ADAMTS5: variants seen among roughly 807,000 people sequenced by gnomAD.
ADAMTS5 encodes A disintegrin and metalloproteinase with thrombospondin motifs 5.
ADAMTS5 carries 54 observed loss-of-function variants against 81.4 expected under a neutral mutation model. The observed-to-expected ratio is 0.66, with a 90% CI of 0.53 to 0.83. The LOEUF (loss-of-function observed/expected upper bound fraction) is 0.83. ADAMTS5 is among the 40% of genes least tolerant of loss of function. The probability of loss-of-function intolerance (pLI) is 0.00; values close to 1 mark genes in which losing one functional copy is unlikely to be tolerated. For synonymous variants in ADAMTS5, 532 were observed against 508.8 expected (o/e 1.05, Z -0.61); for missense variants, 1,194 against 1,229.9 (o/e 0.97, Z 0.44).
Position 26,919,768 on chromosome 21 carries a change from A to T in ADAMTS5, c.*4285T>A, listed in dbSNP as rs1986655328. On this transcript the variant is annotated 3_prime_UTR_variant, in exon 8 of 8. Transcript: ENST00000284987. ...TTATGCTAACAAAGGATTCTTAGGAAGATTTTTCAATGTACTAGCCAGTTA... is the reference window on the plus strand; with the variant it reads ...TTATGCTAACAAAGGATTCTTAGGATGATTTTTCAATGTACTAGCCAGTTA... The T allele has an allele frequency of 6.6e-6, 1 of 152,128 alleles. No individual in the cohort carries two copies. Among genetic ancestry groups the T allele is most frequent in the Non-Finnish European group, 1.5e-5 (1 of 68,002 alleles). The allele number at this position is 152,128 out of a possible 1,614,324, so 9.4% of individuals were successfully genotyped here.
rs1178268232 is a variant in ADAMTS5, at chr21:26,924,540, G to A, written c.2306C>T (p.Thr769Ile). The A allele has an allele frequency of 3.0e-5, 49 of 1,614,012 alleles. No individual in the cohort carries two copies. The highest frequency in any genetic ancestry group is 4.2e-5 in the Non-Finnish European group (49 of 1,180,030). Reference sequence around the variant, plus strand: ...CAGGGCTAAATAGGCAGTGAATCTAGTCTGGTCTTTGGCTTTGAACTGTCG... The same window carrying A: ...CAGGGCTAAATAGGCAGTGAATCTAATCTGGTCTTTGGCTTTGAACTGTCG... ...KVRQFKAKDQTRFTAYLALKK... is the reference protein window; with the variant it reads ...KVRQFKAKDQIRFTAYLALKK... The change falls in exon 8 of 8, where the codon ACT becomes ATT. Residue 769 changes from threonine to isoleucine, a missense_variant. This residue lies in a region of ADAMTS5 where 696 missense variants were observed against 817.6 expected (regional missense o/e 0.85). Transcript: ENST00000284987.
intron 4 of ADAMTS5, among the ~76,000 whole-genome samples, chr21:26,934,067 T>G (rs995172226): frequency 1.3e-5 from 2 of 152,212 alleles, no homozygotes; most frequent in African/African-American, 4.8e-5. Flanking sequence ...TCACCAAATA[T>G]GTACAAGCAC....
intron 3 of ADAMTS5, among the ~76,000 whole-genome samples, chr21:26,942,784 T>C (rs1404853748): frequency 2.6e-5 from 4 of 152,210 alleles, no homozygotes; most frequent in African/African-American, 9.6e-5. Flanking sequence ...AGATTTTCTT[T>C]TGAAGTTCTT....
At position 26,924,601 on chromosome 21, in the gene ADAMTS5, C is replaced by G; in HGVS notation, c.2245G>C (p.Val749Leu). The change falls in exon 8 of 8, where the codon GTG (valine) becomes CTG (leucine). Residue 749 changes from valine (V) to leucine (L), a missense_variant. Val to Leu is a conservative substitution (Grantham distance 32). Around this residue, in one of 2 missense-constraint regions of ADAMTS5, gnomAD observed 696 missense variants for 817.6 expected, o/e 0.85. Coordinates refer to ENST00000284987, the MANE Select transcript of ADAMTS5 (RefSeq NM_007038.5). ...TGGGTTGCCCCTTCAGGAATCCTCA[C>G]CACGTCAGTGTAACCCTTACTGGAA... ...NKKSKGYTDV[V>L]RIPEGATHIK... 1 of 1,613,200 alleles carries G rather than the reference C, an allele frequency of 6.2e-7. No homozygotes were observed. The highest frequency in any genetic ancestry group is 8.5e-7 in the Non-Finnish European group (1 of 1,179,574).
intron 3 of ADAMTS5, among the ~76,000 whole-genome samples, chr21:26,935,487 GA>G (rs1048045065): frequency 1.3e-5 from 2 of 151,836 alleles, no homozygotes; most frequent in Admixed American, 1.3e-4. Context: ...AAGGAGCAGT[GA>G]AAAAAGAAAA....
At chr21:26,932,367 A>G (rs934476225) in intron 5 of ADAMTS5, among the ~76,000 whole-genome samples, 188 bp from the exon 6 acceptor site, 1 of 152,014 alleles carries the variant, frequency 6.6e-6, no homozygotes, top group African/African-American at 2.4e-5. Flanking sequence ...ATTTATTCCA[A>G]TTCTCTGAAT....
intron 1 of ADAMTS5, among the ~76,000 whole-genome samples, chr21:26,959,151 G>T (rs571220591): frequency 6.6e-6 from 1 of 152,330 alleles, no homozygotes; most frequent in African/African-American, 2.4e-5. Flanking sequence ...CAGGGGAGTA[G>T]ATGCTTGACG....
chr21:26,931,886 C>T (rs751275322), intron 6 of ADAMTS5, 118 bp downstream of exon 6: 34 of 1,031,754 alleles, frequency 3.3e-5, no homozygotes, highest in Middle Eastern at 2.6e-4. Context: ...TAAAAACCTT[C>T]CAAAATCTAA....
In ADAMTS5 at chr21:26,964,722, T is replaced by G. The variant is rs1204753980; in HGVS notation, c.1104+566A>C. Among the ~76,000 whole-genome samples, 6 of 152,146 alleles carry G rather than the reference T, an allele frequency of 3.9e-5. No homozygotes were observed. In the East Asian group the frequency reaches 1.2e-3, roughly 29 times the overall value. On this transcript the variant is annotated intron_variant, in intron 1 of 7. Coordinates refer to ENST00000284987, the MANE Select transcript of ADAMTS5 (RefSeq NM_007038.5). ...GATTCCAAGGTGGACATGTAAGAACTCCATTAGGAATCCAACCTGGAAAAA... is the reference window on the plus strand; with the variant it reads ...GATTCCAAGGTGGACATGTAAGAACGCCATTAGGAATCCAACCTGGAAAAA...
chr21:26,956,735 C>T (rs1179154445), intron 1 of ADAMTS5, among the ~76,000 whole-genome samples: 1 of 152,078 alleles, frequency 6.6e-6, no homozygotes, highest in African/African-American at 2.4e-5. Flanking sequence ...CCAAGAATTA[C>T]ATTTTCCCTT....
At position 26,951,435 on chromosome 21, in the gene ADAMTS5, G is replaced by T. The variant is rs116642665; in HGVS notation, c.1237+3304C>A. 9.4e-3 allele frequency among the ~76,000 whole-genome samples: 1,431 copies of T among 152,036 alleles called. 19 individuals are homozygous for T. The highest frequency in any genetic ancestry group is 0.033 in the African/African-American group (1,349 of 41,440). ...AACGTCATTTTCATCGCCATACTTT[G>T]ACCATATACACATCTTCCAAATCTA... On this transcript the variant is annotated intron_variant, in intron 2 of 7. Coordinates refer to ENST00000284987, the MANE Select transcript of ADAMTS5 (RefSeq NM_007038.5).
Position 26,943,581 on chromosome 21 carries a change from C to T in ADAMTS5, c.1238-34G>A, listed in dbSNP as rs369748695. ...GACAACAGAGGAAGTACAAATAATCCGTGATTGTGTATTTCTATCTTTCCA... is the reference window on the plus strand; with the variant it reads ...GACAACAGAGGAAGTACAAATAATCTGTGATTGTGTATTTCTATCTTTCCA... On this transcript the variant is annotated intron_variant, in intron 2 of 7. Coordinates refer to ENST00000284987, the MANE Select transcript of ADAMTS5 (RefSeq NM_007038.5). 911 of 1,579,176 alleles carry T rather than the reference C, an allele frequency of 5.8e-4. 12 individuals carry two copies. The South Asian group carries it at 5.9e-3, about 10-fold the overall frequency.
chr21:26,965,672 G>T lies in ADAMTS5; in HGVS notation c.720C>A (p.Asp240Glu), dbSNP rs773195523. 4.1e-5 allele frequency: 65 copies of T among 1,588,898 alleles called. No homozygotes were observed. The Middle Eastern group carries it at 5.0e-4, about 12-fold the overall frequency. ...GRAALASQLL[D>E]QSALSPAGGS... ...CCCCAGCGGGCGAGAGAGCGGACTGGTCCAAGAGCTGCGAGGCCAGTGCTG... is the reference window on the plus strand; with the variant it reads ...CCCCAGCGGGCGAGAGAGCGGACTGTTCCAAGAGCTGCGAGGCCAGTGCTG... The change falls in exon 1 of 8, where the codon GAC becomes GAA. Residue 240 changes from aspartate to glutamate, a missense_variant. By Grantham distance (45) the Asp-to-Glu change is conservative (BLOSUM62 2). This residue lies in a region of ADAMTS5 where 498 missense variants were observed against 412.3 expected (regional missense o/e 1.21). Coordinates refer to ENST00000284987, the MANE Select transcript of ADAMTS5 (RefSeq NM_007038.5).
intron 1 of ADAMTS5, among the ~76,000 whole-genome samples, 156 bp downstream of exon 1, chr21:26,965,132 A>C (rs1467918052): frequency 6.6e-6 from 1 of 152,202 alleles, no homozygotes; most frequent in Non-Finnish European, 1.5e-5. Flanking sequence ...TGAATACAGG[A>C]GCAGAGTTGA....
Position 26,921,503 on chromosome 21 carries a change from T to A in ADAMTS5, c.*2550A>T, listed in dbSNP as rs1986697204. The A allele has an allele frequency of 6.6e-6, 1 of 151,888 alleles. No homozygotes were observed. The highest frequency in any genetic ancestry group is 2.4e-5 in the African/African-American group (1 of 41,364). The allele number at this position is 151,888 out of a possible 1,614,324, so 9.4% of individuals were successfully genotyped here. A position where few individuals can be genotyped will look rare whatever the true frequency, so the allele number is the denominator to read the frequency against. ...CTAGCATCCTGAATTCTAGACATTT[T>A]AAAAAATTCAAGATGCAACAATGGA... is the stretch of plus-strand genomic sequence containing the variant. On this transcript the variant is annotated 3_prime_UTR_variant, in exon 8 of 8. Transcript: ENST00000284987.
chr21:26,924,050 A>T lies in ADAMTS5; in HGVS notation c.*3T>A. ...TCTTTGTGCATAAGATCATAACCACAGGCTAACATTTCTTCAACAAGCATT... is the reference window on the plus strand; with the variant it reads ...TCTTTGTGCATAAGATCATAACCACTGGCTAACATTTCTTCAACAAGCATT... On this transcript the variant is annotated 3_prime_UTR_variant, in exon 8 of 8. Transcript: ENST00000284987. 6.3e-7 allele frequency: 1 copy of T among 1,586,344 alleles called. No individual in the cohort carries two copies. The highest frequency in any genetic ancestry group is 1.1e-5 in the South Asian group (1 of 88,458).
Position 26,921,145 on chromosome 21 carries a change from A to C in ADAMTS5, c.*2908T>G, listed in dbSNP as rs1377883847. 6.6e-6 allele frequency: 1 copy of C among 152,494 alleles called. No individual in the cohort carries two copies. Among genetic ancestry groups the C allele is most frequent in the East Asian group, 1.9e-4 (1 of 5,198 alleles). The allele number at this position is 152,494 out of a possible 1,614,324, so 9.4% of individuals were successfully genotyped here. A position where few individuals can be genotyped will look rare whatever the true frequency, so the allele number is the denominator to read the frequency against. Reference sequence around the variant, plus strand: ...TCACATACCAGTTGCAAAAACAATAAATTACTTTTTTTCAGTGCTGCAACT... The same window carrying C: ...TCACATACCAGTTGCAAAAACAATACATTACTTTTTTTCAGTGCTGCAACT... On this transcript the variant is annotated 3_prime_UTR_variant, in exon 8 of 8. Transcript: ENST00000284987.
At position 26,966,143 on chromosome 21, in the gene ADAMTS5, G is replaced by A; in HGVS notation, c.249C>T (p.Gly83=). The change falls in exon 1 of 8, where the codon GGC becomes GGT. Residue 83 remains glycine, a synonymous_variant. Coordinates refer to ENST00000284987, the MANE Select transcript of ADAMTS5 (RefSeq NM_007038.5). Reference sequence around the variant, plus strand: ...AGACGAGGTAGCCCACCTTGCCGCCGCCGGAGTAGAGTTGGTCGATGTTCT... The same window carrying A: ...AGACGAGGTAGCCCACCTTGCCGCCACCGGAGTAGAGTTGGTCGATGTTCT... ...LVQNIDQLYS[G]GGKVGYLVYA... 2 of 1,611,940 alleles carry A rather than the reference G, an allele frequency of 1.2e-6. No individual in the cohort carries two copies. Among genetic ancestry groups the A allele is most frequent in the Non-Finnish European group, 1.7e-6 (2 of 1,179,468 alleles).
Position 26,966,740 on chromosome 21 carries a change from C to T in ADAMTS5, c.-349G>A, listed in dbSNP as rs190522592. On this transcript the variant is annotated 5_prime_UTR_variant, in exon 1 of 8. Coordinates refer to ENST00000284987, the MANE Select transcript of ADAMTS5 (RefSeq NM_007038.5). Reference sequence around the variant, plus strand: ...AAACCAAAAAACCACCAAATGCAGGCACGATCGCTGTTTCAAGAAAAGTAA... The same window carrying T: ...AAACCAAAAAACCACCAAATGCAGGTACGATCGCTGTTTCAAGAAAAGTAA... 3.3e-4 allele frequency among the ~76,000 whole-genome samples: 50 copies of T among 151,826 alleles called. No homozygotes were observed. The highest frequency in any genetic ancestry group is 1.2e-3 in the African/African-American group (48 of 41,384).
Sources: gnomAD v4.1 joint callset for allele counts (sites outside exome capture counted in the v4.1 genomes callset) on GRCh38, gnomAD v4.1.1 for gene constraint, gnomAD v4.1.1 regional missense constraint, MANE v1.5 for transcripts, NCBI Gene and HGNC (gene_info 2026-07-23, HGNC 2026-07-21) for gene names.